Variants in UNC13C observed in about 807,000 individuals in gnomAD.
UNC13C encodes the protein unc-13 homolog C.
In UNC13C, 174 loss-of-function variants were observed where a neutral mutation model predicts 245.4. The observed-to-expected ratio is 0.71, with a 90% CI of 0.63 to 0.80. UNC13C has a LOEUF of 0.80. Among genes scored for constraint, UNC13C ranks in the 30% least tolerant of loss-of-function variants. The probability of loss-of-function intolerance (pLI) is 0.00; values close to 1 mark genes in which losing one functional copy is unlikely to be tolerated. For missense variants in UNC13C, 2,829 were observed against 2,602.9 expected, an observed-to-expected ratio of 1.09 and a Z score of -1.89; for synonymous variants, 992 against 895.1, an observed-to-expected ratio of 1.11 and a Z score of -1.93.
intron 17 of UNC13C, among the ~76,000 whole-genome samples, chr15:54,389,143 C>T (rs183307278): frequency 6.6e-5 from 10 of 152,230 alleles, no homozygotes; most frequent in African/African-American, 2.4e-4. Context: ...TCTTTTATTT[C>T]CCAAAGTATG....
At chr15:53,862,753 G>A in the UNC13C span, among the ~76,000 whole-genome samples, 1 of 152,062 alleles carries the variant, frequency 6.6e-6, no homozygotes, top group Non-Finnish European at 1.5e-5. Context: ...TGGTGTCTTG[G>A]GGGCTTCAGG....
At chr15:54,273,791 C>T (rs1220447669) in intron 10 of UNC13C, among the ~76,000 whole-genome samples, 2 of 152,100 alleles carry the variant, frequency 1.3e-5, no homozygotes, top group African/African-American at 4.8e-5. Context: ...TGGTTCATTC[C>T]CTCACTTCTT....
chr15:54,123,342 T>G (rs923669139), intron 2 of UNC13C, among the ~76,000 whole-genome samples: 3 of 151,590 alleles, frequency 2.0e-5, no homozygotes, highest in Non-Finnish European at 4.4e-5. Flanking sequence ...TGAATATCTA[T>G]GTGTGTTTAT....
intron 1 of UNC13C, among the ~76,000 whole-genome samples, chr15:53,981,515 A>T (rs1371432846): frequency 6.6e-6 from 1 of 152,180 alleles, no homozygotes; most frequent in Non-Finnish European, 1.5e-5. Flanking sequence ...GTAGCAAAAA[A>T]TTGCAAATTC....
rs535284213 is a variant in UNC13C at position 54,006,482 on chromosome 15, TTAAAG to T, written c.-256-6162_-256-6158del. On this transcript the variant is annotated intron_variant, in intron 1 of 32. Coordinates refer to ENST00000260323, the MANE Select transcript of UNC13C (RefSeq NM_001080534.3). Reference sequence around the variant, plus strand: ...TATTTACTGGTTTATTGCTTTTGCCTTAAAGTAAGGCAAAAAACTAACAGTTCCCC... The same window carrying T: ...TATTTACTGGTTTATTGCTTTTGCCTTAAGGCAAAAAACTAACAGTTCCCC... Among the ~76,000 whole-genome samples, 869 of 152,318 alleles carry T rather than the reference TTAAAG, an allele frequency of 5.7e-3. 12 individuals are homozygous for T. Among genetic ancestry groups the T allele is most frequent in the African/African-American group, 0.019 (800 of 41,564 alleles).
intron 19 of UNC13C, among the ~76,000 whole-genome samples, chr15:54,472,155 G>A (rs1296011753): frequency 6.6e-6 from 1 of 151,508 alleles, no homozygotes; most frequent in Non-Finnish European, 1.5e-5. Context: ...TTACCCTAAT[G>A]CTTACATAAA....
chr15:54,062,170 T>G (rs893837549), intron 2 of UNC13C, among the ~76,000 whole-genome samples: 1 of 151,792 alleles, frequency 6.6e-6, no homozygotes, highest in Non-Finnish European at 1.5e-5. Context: ...AAATACAAAA[T>G]TAGCCAGGCG....
intron 2 of UNC13C, among the ~76,000 whole-genome samples, chr15:54,038,124 A>ATATAAAATTTTTTTTTTTTTTTTTT: frequency 2.2e-5 from 1 of 45,040 alleles, no homozygotes; most frequent in African/African-American, 1.1e-4. Flanking sequence ...ATATATATAT[A>ATATAAAATTTTTTTTTTTTTTTTTT]TTTTTTTTTT....
At position 54,438,400 on chromosome 15, in the gene UNC13C, A is replaced by G. The variant is rs377747964; in HGVS notation, c.4933+23333A>G. Among the ~76,000 whole-genome samples the G allele has an allele frequency of 2.9e-4, 44 of 152,078 alleles. No homozygotes were observed. The East Asian group carries it at 2.9e-3, about 10-fold the overall frequency. ...CAAGAGAGCTGCATTTTAAACATTGAATTCTTTTGTCTAAGTCTTTGTGTT... is the reference window on the plus strand; with the variant it reads ...CAAGAGAGCTGCATTTTAAACATTGGATTCTTTTGTCTAAGTCTTTGTGTT... On this transcript the variant is annotated intron_variant, in intron 19 of 32. Coordinates refer to ENST00000260323, the MANE Select transcript of UNC13C (RefSeq NM_001080534.3).
chr15:54,053,723 T>C (rs1191690679), intron 2 of UNC13C, among the ~76,000 whole-genome samples: 1 of 152,136 alleles, frequency 6.6e-6, no homozygotes, highest in Admixed American at 6.5e-5. Flanking sequence ...TATCAAATAC[T>C]AGATCTTATT....
chr15:54,629,432 T>TAA (rs531649898), downstream of UNC13C: 7 of 152,026 alleles, frequency 4.6e-5, no homozygotes, highest in Non-Finnish European at 1.0e-4. Flanking sequence ...GAATCTAAAA[T>TAA]AAAAGTTTTT....
intron 10 of UNC13C, among the ~76,000 whole-genome samples, chr15:54,275,413 T>G (rs1472639899): frequency 2.0e-5 from 3 of 152,172 alleles, no homozygotes; most frequent in Non-Finnish European, 4.4e-5. Context: ...TAGTATGTTC[T>G]TTGTCCCCTA....
intron 19 of UNC13C, among the ~76,000 whole-genome samples, chr15:54,461,135 T>A (rs1389445529): frequency 6.6e-6 from 1 of 152,110 alleles, no homozygotes; most frequent in Non-Finnish European, 1.5e-5. Flanking sequence ...GCTGCATATA[T>A]TTTTCTTAGG....
At chr15:54,093,760 GA>G (rs1241447273) in intron 2 of UNC13C, among the ~76,000 whole-genome samples, 1 of 152,130 alleles carries the variant, frequency 6.6e-6, no homozygotes, top group Non-Finnish European at 1.5e-5. Flanking sequence ...TTCCGATGGA[GA>G]AAAGTCACAT....
intron 2 of UNC13C, among the ~76,000 whole-genome samples, chr15:54,099,113 A>T (rs1864416): frequency 0.79 from 119,909 of 152,154 alleles, 47,855 homozygotes; most frequent in Non-Finnish European, 0.85. Flanking sequence ...TTGATGAGCT[A>T]GTAAAGTTCT....
the UNC13C span, among the ~76,000 whole-genome samples, chr15:53,916,944 G>T: frequency 4.6e-5 from 7 of 152,272 alleles, no homozygotes; most frequent in Admixed American, 2.0e-4. Context: ...TATACTCTGG[G>T]AAACAATGTT....
the UNC13C span, among the ~76,000 whole-genome samples, chr15:53,966,396 T>C: frequency 6.6e-6 from 1 of 152,208 alleles, no homozygotes; most frequent in Non-Finnish European, 1.5e-5. Flanking sequence ...TTTGATTACC[T>C]GAAGCCCTTT....
At chr15:54,400,520 A>G (rs2040159840) in intron 18 of UNC13C, among the ~76,000 whole-genome samples, 1 of 152,064 alleles carries the variant, frequency 6.6e-6, no homozygotes, top group South Asian at 2.1e-4. Context: ...TGAACATTTC[A>G]GATTCATTTT....
At chr15:54,296,005 C>G (rs1399526396) in intron 11 of UNC13C, among the ~76,000 whole-genome samples, 1 of 151,992 alleles carries the variant, frequency 6.6e-6, no homozygotes, top group African/African-American at 2.4e-5. Context: ...AAATTCATTC[C>G]ACTACACAAA....
Sources: allele counts gnomAD v4.1 joint callset (sites outside exome capture counted in the v4.1 genomes callset), GRCh38; gene constraint gnomAD v4.1.1; transcripts MANE v1.5; gene names NCBI Gene and HGNC (gene_info 2026-07-23, HGNC 2026-07-21).